The following ZNF57 variants were observed in gnomAD, a reference collection of about 807,000 sequenced individuals.
ZNF57 encodes zinc finger protein 57, also known as zinc finger protein 424.
A neutral mutation model predicts 13.4 loss-of-function variants in ZNF57; 11 were observed. The ratio of observed to expected loss-of-function variants is 0.82; its 90% CI spans 0.52 to 1.36. ZNF57 has a LOEUF of 1.36. Among genes scored for constraint, ZNF57 ranks in the 40% most tolerant of loss-of-function variants. ZNF57 has a pLI of 0.00. For synonymous variants in ZNF57, 224 were observed against 238.5 expected (o/e 0.94, Z 0.56); for missense variants, 696 against 667.5 (o/e 1.04, Z -0.47).
In ZNF57 at chr19:2,916,086, A is replaced by T. The variant is rs745373179; in HGVS notation, c.139A>T (p.Thr47Ser). ...TTACTTTTTTGTTGCAGATGATGGGACTCAATTTAAAGCCAATGGGTCAGT... is the reference window on the plus strand; with the variant it reads ...TTACTTTTTTGTTGCAGATGATGGGTCTCAATTTAAAGCCAATGGGTCAGT... Reference protein sequence around the residue: ...FRNLASVDDGTQFKANGSVSL... With the variant: ...FRNLASVDDGSQFKANGSVSL... The change falls in exon 3 of 4, where the codon ACT becomes TCT. Residue 47 changes from threonine to serine, a missense_variant. By Grantham distance (58) the Thr-to-Ser change is moderately conservative. Transcript: ENST00000306908. 8 of 1,608,392 alleles carry T rather than the reference A, an allele frequency of 5.0e-6. No individual in the cohort carries two copies. The Admixed American group carries it at 8.6e-5, about 17-fold the overall frequency.
chr19:2,906,652 T>G (rs1172187783), intron 1 of ZNF57, among the ~76,000 whole-genome samples: 1 of 152,114 alleles, frequency 6.6e-6, no homozygotes, highest in Non-Finnish European at 1.5e-5. Flanking sequence ...CCAGGGAGCG[T>G]CGTCCTGGCT....
At chr19:2,910,816 C>G (rs1433370745) in intron 1 of ZNF57, among the ~76,000 whole-genome samples, 2 of 50,600 alleles carry the variant, frequency 4.0e-5, no homozygotes, top group South Asian at 8.4e-4. Flanking sequence ...GGATGGTCTC[C>G]ATCTCCTGAC....
intron 1 of ZNF57, among the ~76,000 whole-genome samples, chr19:2,903,336 C>G (rs1006334898): frequency 1.3e-5 from 2 of 151,860 alleles, no homozygotes; most frequent in African/African-American, 2.4e-5. Flanking sequence ...CTCAGCCTCC[C>G]GAGTAGCTGG....
intron 1 of ZNF57, among the ~76,000 whole-genome samples, chr19:2,912,730 T>A (rs1387226542): frequency 6.6e-6 from 1 of 152,238 alleles, no homozygotes; most frequent in African/African-American, 2.4e-5. Flanking sequence ...ACTGCCACAC[T>A]GTTTTCTTAA....
rs528388909 is a variant in ZNF57, at chr19:2,916,445, G to T, written c.302+196G>T. On this transcript the variant is annotated intron_variant, in intron 3 of 3. Transcript: ENST00000306908. ...TAATTACAGGGGGCCGGGCGCGATG[G>T]CTCACGCCTGTAATCCCAGCACTTT... 6.1e-6 allele frequency: 3 copies of T among 489,984 alleles called. No homozygotes were observed. In the East Asian group the frequency reaches 1.1e-4, roughly 18 times the overall value. The allele number at this position is 489,984 out of a possible 1,614,324, so 30.4% of individuals were successfully genotyped here. A position where few individuals can be genotyped will look rare whatever the true frequency, so the allele number is the denominator to read the frequency against.
chr19:2,908,334 G>C (rs1346994849), intron 1 of ZNF57, among the ~76,000 whole-genome samples: 2 of 151,532 alleles, frequency 1.3e-5, no homozygotes, highest in Non-Finnish European at 2.9e-5. Flanking sequence ...TCTTCATTTT[G>C]TGTATCATGT....
intron 1 of ZNF57, 41 bp downstream of exon 1, chr19:2,901,089 C>T: frequency 1.3e-6 from 2 of 1,505,562 alleles, no homozygotes; most frequent in Non-Finnish European, 1.8e-6. Context: ...ACGGTCGGAG[C>T]GACGGGAACC....
In ZNF57 at chr19:2,917,868, G is replaced by A; in HGVS notation, c.1247G>A (p.Gly416Glu). 1 of 1,611,968 alleles carries A rather than the reference G, an allele frequency of 6.2e-7. No homozygotes were observed. Among genetic ancestry groups the A allele is most frequent in the East Asian group, 2.2e-5 (1 of 44,714 alleles). ...SFRGHLRTHT[G>E]EKPYECKQCG... ...CGAGGTCATTTGAGGACGCACACTG[G>A]AGAGAAGCCTTATGAGTGTAAACAA... is the stretch of plus-strand genomic sequence containing the variant. The change falls in exon 4 of 4, where the codon GGA becomes GAA. Residue 416 changes from glycine to glutamate, a missense_variant. This residue lies in a region of ZNF57 where 645 missense variants were observed against 591.5 expected (regional missense o/e 1.09). Transcript: ENST00000306908.
rs1441919689 is a variant in ZNF57 at position 2,916,921 on chromosome 19, CAG to C, written c.303-1_303del. 1 of 1,557,980 alleles carries C rather than the reference CAG, an allele frequency of 6.4e-7. No individual in the cohort carries two copies. The highest frequency in any genetic ancestry group is 2.3e-5 in the East Asian group (1 of 44,270). On this transcript the variant is annotated splice_acceptor_variant, in intron 3 of 3. Transcript: ENST00000306908. LOFTEE classifies it high-confidence loss of function. Reference sequence around the variant, plus strand: ...ACATAAAAATGTCTCTCATTTTTAACAGAAATCATATGGTGGACAGATTCTGT... The same window carrying C: ...ACATAAAAATGTCTCTCATTTTTAACAAATCATATGGTGGACAGATTCTGT...
chr19:2,903,315 A>G (rs2088044826), intron 1 of ZNF57, among the ~76,000 whole-genome samples: 1 of 151,882 alleles, frequency 6.6e-6, no homozygotes, highest in Non-Finnish European at 1.5e-5. Context: ...GGGTTCAAGC[A>G]ATTCTCCTGC....
Position 2,918,324 on chromosome 19 carries a change from C to T in ZNF57, c.*35C>T, listed in dbSNP as rs1358483195. ...CTATAACTTTAATGGGGTAACCTCA[C>T]ATTAATTCATGTATAATGCTCCAGA... is the stretch of plus-strand genomic sequence containing the variant. On this transcript the variant is annotated 3_prime_UTR_variant, in exon 4 of 4. Coordinates refer to ENST00000306908, the MANE Select transcript of ZNF57 (RefSeq NM_173480.3). 5 of 1,537,858 alleles carry T rather than the reference C, an allele frequency of 3.3e-6. No individual in the cohort carries two copies. The highest frequency in any genetic ancestry group is 4.4e-6 in the Non-Finnish European group (5 of 1,144,430).
At chr19:2,905,591 C>T (rs1027931635) in intron 1 of ZNF57, among the ~76,000 whole-genome samples, 1 of 151,116 alleles carries the variant, frequency 6.6e-6, no homozygotes, top group Non-Finnish European at 1.5e-5. Context: ...GGTGAAACCC[C>T]GTCTCTACTA....
intron 1 of ZNF57, among the ~76,000 whole-genome samples, chr19:2,903,034 C>A (rs1365934623): frequency 6.6e-6 from 1 of 152,164 alleles, no homozygotes; most frequent in Non-Finnish European, 1.5e-5. Context: ...GGGCAGCCTC[C>A]ACTTGCTCAG....
chr19:2,913,831 G>A (rs1034662170), intron 1 of ZNF57, among the ~76,000 whole-genome samples: 2 of 152,136 alleles, frequency 1.3e-5, no homozygotes, highest in South Asian at 4.1e-4. Context: ...AGTAGAGACA[G>A]GGTCTCACTA....
chr19:2,917,643 G>A lies in ZNF57; in HGVS notation c.1022G>A (p.Cys341Tyr). 2.5e-6 allele frequency: 4 copies of A among 1,613,802 alleles called. No homozygotes were observed. Among genetic ancestry groups the A allele is most frequent in the South Asian group, 1.1e-5 (1 of 91,040 alleles). The change falls in exon 4 of 4, where the codon TGT becomes TAT. Residue 341 changes from cysteine (C) to tyrosine (Y), a missense_variant. Around this residue, in one of 3 missense-constraint regions of ZNF57, gnomAD observed 645 missense variants for 591.5 expected, o/e 1.09. Transcript: ENST00000306908. The stretch of plus-strand genomic sequence containing the variant: ...GACAAACTCTATAAATGTGAACACT[G>A]TGGGAAGGCTTTTACCTCTTCCAGA... The part of the protein sequence containing the change: ...TGDKLYKCEH[C>Y]GKAFTSSRSF...
At chr19:2,915,349 G>A (rs76435450) in intron 1 of ZNF57, 173 bp from the exon 2 acceptor site, 5 of 768,710 alleles carry the variant, frequency 6.5e-6, no homozygotes, top group Non-Finnish European at 1.0e-5. Flanking sequence ...ACTGATAGTG[G>A]TGCCATGAAG....
chr19:2,906,227 A>C (rs528597386), intron 1 of ZNF57, among the ~76,000 whole-genome samples: 192 of 152,272 alleles, frequency 1.3e-3, no homozygotes, highest in Non-Finnish European at 2.2e-3. Flanking sequence ...TAATTAAAAA[A>C]AATTTTTATA....
Position 2,911,649 on chromosome 19 carries a change from A to G in ZNF57, c.4-3873A>G, listed in dbSNP as rs577743671. 4.6e-4 allele frequency among the ~76,000 whole-genome samples: 70 copies of G among 151,970 alleles called. No individual in the cohort carries two copies. In the Middle Eastern group the frequency reaches 0.02, roughly 44 times the overall value. On this transcript the variant is annotated intron_variant, in intron 1 of 3. Coordinates refer to ENST00000306908, the MANE Select transcript of ZNF57 (RefSeq NM_173480.3). ...AATCCTCCCGCCCCAGCCTCCCAAA[A>G]TGCTGGCATTTCAGGCATGAGCCAC... is the stretch of plus-strand genomic sequence containing the variant.
chr19:2,901,662 A>T (rs1260435023), intron 1 of ZNF57, among the ~76,000 whole-genome samples: 1 of 151,998 alleles, frequency 6.6e-6, no homozygotes, highest in Admixed American at 6.6e-5. Context: ...CTGAGATTAC[A>T]GGCGCCCGCC....
Sources: gnomAD v4.1 joint callset for allele counts (sites outside exome capture counted in the v4.1 genomes callset) on GRCh38, gnomAD v4.1.1 for gene constraint, gnomAD v4.1.1 regional missense constraint, MANE v1.5 for transcripts, NCBI Gene and HGNC (gene_info 2026-07-23, HGNC 2026-07-21) for gene names.